The following DPYD variants were observed in gnomAD, a reference collection of about 807,000 sequenced individuals.
DPYD encodes dihydropyrimidine dehydrogenase [NADP(+)].
A neutral mutation model predicts 116.2 loss-of-function variants in DPYD; 109 were observed. The observed-to-expected ratio is 0.94, with a 90% CI of 0.80 to 1.10. DPYD has a LOEUF of 1.10. Among genes scored for constraint, DPYD ranks in the 50% least tolerant of loss-of-function variants. DPYD has a pLI of 0.00. For missense variants in DPYD, 1,302 were observed against 1,254.5 expected (o/e 1.04, Z -0.57); for synonymous variants, 440 against 432.0 (o/e 1.02, Z -0.23).
At chr1:97,533,606 G>A (rs747457313) in intron 12 of DPYD, among the ~76,000 whole-genome samples, 1 of 152,136 alleles carries the variant, frequency 6.6e-6, no homozygotes, top group Non-Finnish European at 1.5e-5. Flanking sequence ...ATCAAGGTGA[G>A]AGTGACGAAG....
At chr1:97,716,785 G>GA (rs1662641048) in intron 5 of DPYD, among the ~76,000 whole-genome samples, 1 of 152,006 alleles carries the variant, frequency 6.6e-6, no homozygotes, top group Non-Finnish European at 1.5e-5. Context: ...ATAAAACATA[G>GA]ACCATATTCA....
At chr1:97,358,851 G>A (rs893030019) in intron 16 of DPYD, among the ~76,000 whole-genome samples, 11 of 152,116 alleles carry the variant, frequency 7.2e-5, no homozygotes, top group Non-Finnish European at 1.6e-4. Flanking sequence ...ACAAAGATGG[G>A]GAGAAACCAG....
chr1:97,223,320 T>A (rs1044774357), intron 19 of DPYD, among the ~76,000 whole-genome samples: 26 of 151,904 alleles, frequency 1.7e-4, no homozygotes, highest in African/African-American at 6.3e-4. Context: ...CTATGCTTCA[T>A]CTTTCCGTTA....
chr1:97,696,594 C>T (rs1264989573), intron 6 of DPYD, among the ~76,000 whole-genome samples: 3 of 151,644 alleles, frequency 2.0e-5, no homozygotes, highest in Non-Finnish European at 4.4e-5. Flanking sequence ...GCTCCTGTAA[C>T]AATCTAAGGC....
At chr1:97,271,963 T>C (rs893268544) in intron 18 of DPYD, among the ~76,000 whole-genome samples, 1 of 152,200 alleles carries the variant, frequency 6.6e-6, no homozygotes, top group Admixed American at 6.6e-5. Context: ...CGTAAGTAAT[T>C]GCTAGCCTCT....
intron 19 of DPYD, among the ~76,000 whole-genome samples, chr1:97,207,050 T>C (rs1379270602): frequency 6.6e-6 from 1 of 152,028 alleles, no homozygotes. Context: ...AGAGACTATA[T>C]TTCTTTTGGT....
At chr1:97,671,951 T>A (rs1299654316) in intron 8 of DPYD, among the ~76,000 whole-genome samples, 2 of 149,012 alleles carry the variant, frequency 1.3e-5, no homozygotes, top group African/African-American at 2.5e-5. Flanking sequence ...CTATTATTTT[T>A]TTTTTTTTTT....
chr1:97,159,033 T>C (rs1655694820), intron 20 of DPYD, among the ~76,000 whole-genome samples: 2 of 152,064 alleles, frequency 1.3e-5, no homozygotes, highest in Non-Finnish European at 2.9e-5. Context: ...AGATACAATA[T>C]AAAATTGTCA....
intron 2 of DPYD, among the ~76,000 whole-genome samples, chr1:97,857,906 T>G (rs1314745822): frequency 6.6e-6 from 1 of 151,982 alleles, no homozygotes; most frequent in African/African-American, 2.4e-5. Context: ...AATGTTAGTC[T>G]GACTAGGAAG....
chr1:97,450,776 T>C (rs918823253), intron 13 of DPYD, among the ~76,000 whole-genome samples: 1 of 152,084 alleles, frequency 6.6e-6, no homozygotes, highest in African/African-American at 2.4e-5. Context: ...GGATTATAAC[T>C]ATATATTCAC....
intron 16 of DPYD, among the ~76,000 whole-genome samples, chr1:97,325,011 T>C (rs1325915790): frequency 6.6e-6 from 1 of 152,088 alleles, no homozygotes; most frequent in Non-Finnish European, 1.5e-5. Flanking sequence ...CAGAAGTGCC[T>C]GAAGCCTACA....
At chr1:97,514,221 G>T (rs1648032345) in intron 13 of DPYD, 2 of 984,950 alleles carry the variant, frequency 2.0e-6, no homozygotes, top group Non-Finnish European at 2.4e-6. Flanking sequence ...GTGCTCCTAG[G>T]TTACTGAAAG....
At chr1:97,754,730 T>C (rs1003140103) in intron 3 of DPYD, among the ~76,000 whole-genome samples, 2 of 152,042 alleles carry the variant, frequency 1.3e-5, no homozygotes, top group African/African-American at 4.8e-5. Context: ...AGTGGTGGAG[T>C]CAGATAAATA....
At chr1:97,333,285 C>T (rs1449331537) in intron 16 of DPYD, among the ~76,000 whole-genome samples, 9 of 151,458 alleles carry the variant, frequency 5.9e-5, no homozygotes, top group Non-Finnish European at 1.2e-4. Flanking sequence ...AGTAATACAC[C>T]CTTCTTGCCC....
intron 8 of DPYD, among the ~76,000 whole-genome samples, chr1:97,661,410 A>G (rs1659248790): frequency 6.6e-6 from 1 of 152,198 alleles, no homozygotes; most frequent in Non-Finnish European, 1.5e-5. Context: ...GACTGATGTT[A>G]TGTTTCCATA....
intron 1 of DPYD, among the ~76,000 whole-genome samples, chr1:97,893,057 A>C (rs902398057): frequency 7.9e-5 from 12 of 151,900 alleles, no homozygotes; most frequent in African/African-American, 2.9e-4. Context: ...GCATGCAGTA[A>C]GTGCTTACCA....
chr1:97,646,310 CTTCTTT>C (rs1405732964), intron 8 of DPYD, among the ~76,000 whole-genome samples: 1 of 151,298 alleles, frequency 6.6e-6, no homozygotes, highest in East Asian at 1.9e-4. Flanking sequence ...TTATCTGTAT[CTTCTTT>C]TTATTTTTTT....
intron 10 of DPYD, among the ~76,000 whole-genome samples, chr1:97,578,326 C>CA (rs1355819365): frequency 6.6e-6 from 1 of 150,466 alleles, no homozygotes; most frequent in Non-Finnish European, 1.5e-5. Flanking sequence ...ATATTTGTTA[C>CA]AAAAAAAAAG....
At chr1:97,628,274 C>T (rs1185267262) in intron 8 of DPYD, among the ~76,000 whole-genome samples, 1 of 152,010 alleles carries the variant, frequency 6.6e-6, no homozygotes, top group Non-Finnish European at 1.5e-5. Context: ...CTAAATTCTT[C>T]CCATGTGTCC....
Sources: allele counts gnomAD v4.1 joint callset (sites outside exome capture counted in the v4.1 genomes callset), GRCh38; gene constraint gnomAD v4.1.1; transcripts MANE v1.5; gene names NCBI Gene and HGNC (gene_info 2026-07-23, HGNC 2026-07-21).